The following UBE3D variants were observed in gnomAD, a reference collection of about 807,000 sequenced individuals.
UBE3D encodes the protein ubiquitin protein ligase E3D, also known as E3 ubiquitin-protein ligase E3D.
A neutral mutation model predicts 49.6 loss-of-function variants in UBE3D; 48 were observed. That is an observed-to-expected ratio of 0.97 (90% CI 0.77 to 1.23). The LOEUF is 1.23. Ranked by LOEUF, UBE3D falls within the 50% of genes most tolerant of loss-of-function variation. The probability of loss-of-function intolerance (pLI) is 0.00; values close to 1 mark genes in which losing one functional copy is unlikely to be tolerated. For synonymous variants in UBE3D, 189 were observed against 174.2 expected (o/e 1.08, Z -0.67); for missense variants, 452 against 468.4 (o/e 0.96, Z 0.32).
chr6:82,915,754 A>C (rs988669126), intron 9 of UBE3D, among the ~76,000 whole-genome samples: 1 of 152,250 alleles, frequency 6.6e-6, no homozygotes, highest in African/African-American at 2.4e-5. Flanking sequence ...GTGTAAGATG[A>C]TAATCCTCTT....
chr6:83,000,699 A>C (rs751308837), intron 8 of UBE3D, among the ~76,000 whole-genome samples: 5 of 151,282 alleles, frequency 3.3e-5, no homozygotes, highest in Non-Finnish European at 5.9e-5. Flanking sequence ...TCTCTTCCCT[A>C]CTCTATGCCT....
intron 2 of UBE3D, among the ~76,000 whole-genome samples, chr6:83,054,967 A>C (rs1783719676): frequency 6.6e-6 from 1 of 152,090 alleles, no homozygotes; most frequent in Non-Finnish European, 1.5e-5. Flanking sequence ...GTTTAATTTT[A>C]TTTAAATAAG....
Position 83,038,428 on chromosome 6 carries a change from T to C in UBE3D, c.655A>G (p.Thr219Ala). ...ATGAAATTCTTACCTGATGACACGG[T>C]CTCTCCCAACATTACCTTGCAACGC... ...CKRCKVMLGE[T>A]VSSETTKFYM... Residue 219 changes from threonine (T) to alanine (A), a missense_variant, in exon 5 of 10, where the codon ACC (threonine) becomes GCC (alanine). By Grantham distance (58) the Thr-to-Ala change is moderately conservative. Transcript: ENST00000369747. 6.2e-7 allele frequency: 1 copy of C among 1,612,132 alleles called. No individual in the cohort carries two copies. Among genetic ancestry groups the C allele is most frequent in the Non-Finnish European group, 8.5e-7 (1 of 1,179,484 alleles).
At position 82,892,581 on chromosome 6, in the gene UBE3D, T is replaced by G; in HGVS notation, c.*441A>C. 6.0e-6 allele frequency: 1 copy of G among 166,268 alleles called. No homozygotes were observed. Among genetic ancestry groups the G allele is most frequent in the Middle Eastern group, 3.0e-3 (1 of 332 alleles). The allele number at this position is 166,268 out of a possible 1,614,324, so 10.3% of individuals were successfully genotyped here. On this transcript the variant is annotated 3_prime_UTR_variant, in exon 10 of 10. Coordinates refer to ENST00000369747, the MANE Select transcript of UBE3D (RefSeq NM_198920.3). ...TTCTACTTTTCTTTTTTAAAATTTG[T>G]TTTAAATCATCCTGAGAAACTCTTT...
intron 3 of UBE3D, among the ~76,000 whole-genome samples, chr6:83,045,546 A>T (rs541603008): frequency 1.3e-5 from 2 of 151,868 alleles, no homozygotes; most frequent in African/African-American, 2.4e-5. Flanking sequence ...TCTGTTACAA[A>T]TTTTTTTGGT....
chr6:83,038,543 T>G, intron 4 of UBE3D, 58 bp from the exon 5 acceptor site: 1 of 1,442,204 alleles, frequency 6.9e-7, no homozygotes, highest in Non-Finnish European at 9.6e-7. Context: ...AAGGAATATA[T>G]AATTTTAACA....
intron 8 of UBE3D, among the ~76,000 whole-genome samples, chr6:82,983,204 T>C (rs1778231831): frequency 6.6e-6 from 1 of 151,504 alleles, no homozygotes; most frequent in Admixed American, 6.6e-5. Context: ...AACTCACAGA[T>C]GTAAATATAT....
intron 8 of UBE3D, among the ~76,000 whole-genome samples, chr6:82,999,813 C>T (rs963479935): frequency 6.6e-5 from 10 of 152,160 alleles, no homozygotes; most frequent in African/African-American, 2.2e-4. Flanking sequence ...TCCACACTTA[C>T]TGTTTGTCAT....
At chr6:82,996,298 C>A (rs1779234863) in intron 8 of UBE3D, among the ~76,000 whole-genome samples, 1 of 150,286 alleles carries the variant, frequency 6.7e-6, no homozygotes, top group Non-Finnish European at 1.5e-5. Flanking sequence ...AAAGCTGGAA[C>A]AATTTGAGCA....
intron 9 of UBE3D, among the ~76,000 whole-genome samples, chr6:82,929,091 C>G (rs948165715): frequency 1.3e-5 from 2 of 152,156 alleles, no homozygotes; most frequent in Non-Finnish European, 2.9e-5. Context: ...GAAACAACAT[C>G]ATCAAAATCA....
At chr6:83,049,986 C>G (rs941098831) in intron 3 of UBE3D, among the ~76,000 whole-genome samples, 1 of 152,050 alleles carries the variant, frequency 6.6e-6, no homozygotes, top group Non-Finnish European at 1.5e-5. Flanking sequence ...TACATTCACA[C>G]AAATTTTATA....
chr6:82,911,032 A>G lies in UBE3D; in HGVS notation c.1150-17990T>C, dbSNP rs1405406596. ...TTCTTAGAAGACAAATATAGACACCACAGAGGTGATGCATCAGCAGTCTAA... is the reference window on the plus strand; with the variant it reads ...TTCTTAGAAGACAAATATAGACACCGCAGAGGTGATGCATCAGCAGTCTAA... On this transcript the variant is annotated intron_variant, in intron 9 of 9. Transcript: ENST00000369747. 2.0e-5 allele frequency among the ~76,000 whole-genome samples: 3 copies of G among 152,138 alleles called. No individual in the cohort carries two copies. The East Asian group carries it at 5.8e-4, about 29-fold the overall frequency.
intron 8 of UBE3D, among the ~76,000 whole-genome samples, chr6:82,972,715 T>C (rs1225693932): frequency 6.6e-6 from 1 of 152,254 alleles, no homozygotes; most frequent in Non-Finnish European, 1.5e-5. Context: ...GTACCATTTA[T>C]GTTGCAGACT....
intron 8 of UBE3D, among the ~76,000 whole-genome samples, chr6:82,958,322 C>T (rs1398838927): frequency 2.0e-5 from 3 of 152,104 alleles, no homozygotes; most frequent in Non-Finnish European, 4.4e-5. Flanking sequence ...CTTATTTCCT[C>T]TCTGATCTGC....
chr6:82,994,792 T>C (rs1004620759), intron 8 of UBE3D, among the ~76,000 whole-genome samples: 3 of 152,226 alleles, frequency 2.0e-5, no homozygotes, highest in Non-Finnish European at 4.4e-5. Flanking sequence ...AGGAGAATCA[T>C]GATGCCATTG....
intron 8 of UBE3D, among the ~76,000 whole-genome samples, chr6:82,965,660 G>C (rs181823924): frequency 2.7e-4 from 40 of 150,742 alleles, no homozygotes; most frequent in African/African-American, 9.2e-4. Flanking sequence ...TTCATAATTA[G>C]AAGTGATATA....
intron 9 of UBE3D, among the ~76,000 whole-genome samples, chr6:82,952,120 T>C (rs915526489): frequency 1.3e-5 from 2 of 152,120 alleles, no homozygotes; most frequent in African/African-American, 4.8e-5. Flanking sequence ...CTTAAAAACA[T>C]CTTACTTTGT....
intron 2 of UBE3D, among the ~76,000 whole-genome samples, chr6:83,055,194 T>G (rs1340527728): frequency 6.6e-6 from 1 of 152,190 alleles, no homozygotes; most frequent in Admixed American, 6.5e-5. Context: ...AGGCCGCATG[T>G]TCCCTTAGTT....
intron 6 of UBE3D, among the ~76,000 whole-genome samples, chr6:83,023,664 A>G (rs1033477085): frequency 2.6e-5 from 4 of 152,226 alleles, no homozygotes; most frequent in African/African-American, 4.8e-5. Context: ...GTTCTCCTTC[A>G]TAAGTGGGAA....
Sources: gnomAD v4.1 joint callset for allele counts (sites outside exome capture counted in the v4.1 genomes callset) on GRCh38, gnomAD v4.1.1 for gene constraint, MANE v1.5 for transcripts, NCBI Gene and HGNC (gene_info 2026-07-23, HGNC 2026-07-21) for gene names.